Variants in STK3 observed in about 807,000 individuals in gnomAD.
STK3 encodes serine/threonine-protein kinase 3.
A neutral mutation model predicts 58.0 loss-of-function variants in STK3; 41 were observed. The observed-to-expected ratio is 0.71, with a 90% CI of 0.55 to 0.92. The LOEUF (loss-of-function observed/expected upper bound fraction) is 0.92, where lower values mean the gene tolerates loss of function less well. Ranked by LOEUF, STK3 falls within the 40% of genes least tolerant of loss-of-function variation. The pLI is 0.00. For synonymous variants in STK3, 170 were observed against 191.0 expected, an observed-to-expected ratio of 0.89 and a Z score of 0.91; for missense variants, 479 against 602.7, an observed-to-expected ratio of 0.79 and a Z score of 2.15.
the STK3 span, among the ~76,000 whole-genome samples, chr8:98,349,246 G>T: frequency 6.6e-6 from 1 of 152,344 alleles, no homozygotes; most frequent in Admixed American, 6.5e-5. Context: ...GGGGTTGGGA[G>T]AGGGAGAGAT....
At chr8:98,545,438 G>A (rs887622370) in intron 9 of STK3, among the ~76,000 whole-genome samples, 41 of 152,126 alleles carry the variant, frequency 2.7e-4, no homozygotes, top group African/African-American at 9.9e-4. Flanking sequence ...TTATTCTTGG[G>A]ACATGCCCAT....
intron 3 of STK3, chr8:98,413,160 T>A: frequency 3.4e-6 from 1 of 292,858 alleles, no homozygotes; most frequent in Non-Finnish European, 6.7e-6. Context: ...ATTATAGGCA[T>A]GTGCCACCAC....
chr8:98,375,989 C>T (rs932740866), intron 2 of STK3, among the ~76,000 whole-genome samples: 10 of 152,206 alleles, frequency 6.6e-5, no homozygotes, highest in Non-Finnish European at 1.0e-4. Flanking sequence ...TCATGAAAAA[C>T]TGTGAAACAA....
chr8:98,625,361 G>A (rs1351493549), intron 6 of STK3, among the ~76,000 whole-genome samples: 1 of 152,052 alleles, frequency 6.6e-6, no homozygotes, highest in Non-Finnish European at 1.5e-5. Flanking sequence ...GCAAAGATCT[G>A]GAAAGAAGGC....
chr8:98,538,628 T>C (rs1339987328), intron 9 of STK3, among the ~76,000 whole-genome samples: 3 of 152,188 alleles, frequency 2.0e-5, no homozygotes, highest in Non-Finnish European at 4.4e-5. Flanking sequence ...GTGCGAGTAA[T>C]GAATATTGTA....
At chr8:98,363,320 G>C in the STK3 span, among the ~76,000 whole-genome samples, 5 of 152,278 alleles carry the variant, frequency 3.3e-5, no homozygotes, top group African/African-American at 1.2e-4. Flanking sequence ...GAGGCTAAAT[G>C]CTATGCCCTT....
intron 4 of STK3, among the ~76,000 whole-genome samples, chr8:98,733,538 C>A (rs1053574078): frequency 6.6e-6 from 1 of 152,208 alleles, no homozygotes; most frequent in Admixed American, 6.5e-5. Context: ...AAACTATCAC[C>A]CCCATCCGTA....
At chr8:98,743,839 G>T (rs1829432600) in intron 4 of STK3, among the ~76,000 whole-genome samples, 1 of 151,992 alleles carries the variant, frequency 6.6e-6, no homozygotes, top group African/African-American at 2.4e-5. Flanking sequence ...CTACTCATCT[G>T]ACAAAGGGCT....
intron 1 of STK3, chr8:98,890,018 C>A (rs1305826436): frequency 2.0e-5 from 3 of 152,242 alleles, no homozygotes; most frequent in African/African-American, 7.2e-5. Context: ...AAGGCAAAGC[C>A]TCTAGTTCCG....
chr8:98,893,421 G>A (rs2922067), intron 1 of STK3, among the ~76,000 whole-genome samples: 2,430 of 60,194 alleles, frequency 0.04, 69 homozygotes, highest in Non-Finnish European at 0.054. Context: ...AAGGAAGGAA[G>A]GAAAGAAAGA....
At chr8:98,466,692 T>C (rs918928051) in intron 10 of STK3, among the ~76,000 whole-genome samples, 1 of 152,320 alleles carries the variant, frequency 6.6e-6, no homozygotes, top group Admixed American at 6.5e-5. Flanking sequence ...TGATTACTAG[T>C]GGTTTGTGCA....
intron 1 of STK3, chr8:98,905,504 A>G: frequency 8.7e-7 from 1 of 1,151,710 alleles, no homozygotes; most frequent in South Asian, 1.2e-5. Flanking sequence ...GCTTGTAATG[A>G]TGCAAGTTGT....
intron 3 of STK3, among the ~76,000 whole-genome samples, chr8:98,425,141 CA>C (rs1818215857): frequency 6.6e-6 from 1 of 152,222 alleles, no homozygotes; most frequent in African/African-American, 2.4e-5. Context: ...CTCTCCACAG[CA>C]CCCCCATGGG....
chr8:98,738,288 C>T (rs541034708), intron 4 of STK3, among the ~76,000 whole-genome samples: 13 of 152,050 alleles, frequency 8.5e-5, no homozygotes, highest in East Asian at 2.0e-4. Flanking sequence ...GCCTGGCCAA[C>T]GTGGCGAAAC....
At chr8:98,722,862 T>C (rs949133976) in intron 4 of STK3, 1 of 501,628 alleles carries the variant, frequency 2.0e-6, no homozygotes, top group Non-Finnish European at 3.9e-6. Context: ...GAGGATCTGC[T>C]TCATATAGAA....
intron 6 of STK3, among the ~76,000 whole-genome samples, chr8:98,646,079 TA>T (rs1053863935): frequency 3.9e-5 from 6 of 152,220 alleles, no homozygotes; most frequent in African/African-American, 7.2e-5. Context: ...GCAGATGACA[TA>T]ATGTGTGGGA....
chr8:98,413,403 G>A (rs1329863691), intron 3 of STK3: 2 of 553,304 alleles, frequency 3.6e-6, no homozygotes, highest in African/African-American at 3.8e-5. Context: ...CTACAGTTAA[G>A]CTATTTCCTG....
At chr8:98,444,320 A>G (rs1323921425) in intron 1 of STK3, among the ~76,000 whole-genome samples, 1 of 152,168 alleles carries the variant, frequency 6.6e-6, no homozygotes, top group Non-Finnish European at 1.5e-5. Flanking sequence ...TCAAGAGATG[A>G]GGAGAGGGAG....
At chr8:98,852,141 CTT>C (rs869307934) in intron 3 of STK3, among the ~76,000 whole-genome samples, 10 of 142,112 alleles carry the variant, frequency 7.0e-5, no homozygotes, top group African/African-American at 8.0e-5. Flanking sequence ...AGCTAATTTT[CTT>C]TTTTTTTTTT....
Sources: allele counts gnomAD v4.1 joint callset (sites outside exome capture counted in the v4.1 genomes callset), GRCh38; gene constraint gnomAD v4.1.1; transcripts MANE v1.5; gene names NCBI Gene and HGNC (gene_info 2026-07-23, HGNC 2026-07-21).